KIAA1217: variants seen among roughly 807,000 people sequenced by gnomAD.
The protein encoded by KIAA1217 is sickle tail protein homolog.
KIAA1217 carries 88 observed loss-of-function variants against 163.9 expected under a neutral mutation model. The observed-to-expected ratio is 0.54, with a 90% CI of 0.45 to 0.64. The LOEUF is 0.64. Ranked by LOEUF, KIAA1217 falls within the 30% of genes least tolerant of loss-of-function variation. The pLI is 0.00. For synonymous variants in KIAA1217, 903 were observed against 923.1 expected (o/e 0.98, Z 0.39); for missense variants, 2,372 against 2,475.0 (o/e 0.96, Z 0.88).
At chr10:23,982,628 G>C (rs532933038) in intron 1 of KIAA1217, among the ~76,000 whole-genome samples, 1 of 144,326 alleles carries the variant, frequency 6.9e-6, no homozygotes, top group South Asian at 2.3e-4. Context: ...CAATGGCGTG[G>C]TCTCGGCTCA....
intron 1 of KIAA1217, among the ~76,000 whole-genome samples, chr10:23,933,214 C>A (rs943502836): frequency 1.3e-5 from 2 of 152,196 alleles, no homozygotes; most frequent in Non-Finnish European, 2.9e-5. Flanking sequence ...TAATCACATT[C>A]TGCAGGGAGA....
At chr10:23,894,709 C>G (rs1358343086) in intron 1 of KIAA1217, among the ~76,000 whole-genome samples, 1 of 147,030 alleles carries the variant, frequency 6.8e-6, no homozygotes, top group South Asian at 2.2e-4. Flanking sequence ...AAGAACAAAG[C>G]TGGAGGCATC....
chr10:23,829,054 G>C (rs1260272814), intron 1 of KIAA1217, among the ~76,000 whole-genome samples: 1 of 152,126 alleles, frequency 6.6e-6, no homozygotes, highest in Non-Finnish European at 1.5e-5. Context: ...CTTTTCCTAA[G>C]CACTTTTGCT....
intron 1 of KIAA1217, among the ~76,000 whole-genome samples, chr10:23,955,035 A>C (rs1844498761): frequency 6.6e-6 from 1 of 152,210 alleles, no homozygotes; most frequent in Non-Finnish European, 1.5e-5. Context: ...GGGCAATAAT[A>C]ACAAGTTATG....
intron 5 of KIAA1217, among the ~76,000 whole-genome samples, chr10:24,471,750 G>A (rs1250949030): frequency 1.3e-5 from 2 of 152,060 alleles, no homozygotes; most frequent in Non-Finnish European, 2.9e-5. Context: ...GGGTGTGGTG[G>A]CACATGCCTG....
At chr10:24,402,608 A>C (rs1211840809) in intron 3 of KIAA1217, among the ~76,000 whole-genome samples, 1 of 151,872 alleles carries the variant, frequency 6.6e-6, no homozygotes, top group East Asian at 1.9e-4. Context: ...GAATTATTCC[A>C]CCAGATTTTT....
intron 6 of KIAA1217, among the ~76,000 whole-genome samples, chr10:24,484,239 ATATT>A (rs1393497168): frequency 3.5e-4 from 30 of 86,186 alleles, no homozygotes; most frequent in African/African-American, 1.4e-3. Context: ...ATATATATAT[ATATT>A]TTTTTTTTTT....
intron 1 of KIAA1217, among the ~76,000 whole-genome samples, chr10:23,762,741 C>T (rs1834322804): frequency 6.6e-6 from 1 of 152,124 alleles, no homozygotes; most frequent in Non-Finnish European, 1.5e-5. Context: ...CACTCCTATT[C>T]AACATACTAT....
At chr10:24,342,609 C>A (rs2047225952) in intron 2 of KIAA1217, among the ~76,000 whole-genome samples, 1 of 151,194 alleles carries the variant, frequency 6.6e-6, no homozygotes, top group South Asian at 2.1e-4. Context: ...CTTAGTGATG[C>A]ATCTTCAAGG....
intron 1 of KIAA1217, among the ~76,000 whole-genome samples, chr10:23,985,593 T>A (rs1213279849): frequency 6.6e-6 from 1 of 152,164 alleles, no homozygotes; most frequent in Non-Finnish European, 1.5e-5. Flanking sequence ...CGCTGCATAG[T>A]AGAAGCACTA....
At chr10:23,901,192 G>A (rs977198920) in intron 1 of KIAA1217, among the ~76,000 whole-genome samples, 1 of 151,972 alleles carries the variant, frequency 6.6e-6, no homozygotes, top group Non-Finnish European at 1.5e-5. Flanking sequence ...TTATTATTTA[G>A]CTGGGGAAAT....
intron 1 of KIAA1217, among the ~76,000 whole-genome samples, chr10:23,703,234 A>G (rs540539138): frequency 6.6e-6 from 1 of 152,244 alleles, no homozygotes; most frequent in South Asian, 2.1e-4. Flanking sequence ...TAGAGCAGAG[A>G]GATGTCCCAG....
intron 1 of KIAA1217, among the ~76,000 whole-genome samples, chr10:23,806,863 A>G (rs10443983): frequency 0.21 from 31,416 of 152,214 alleles, 3,424 homozygotes; most frequent in Middle Eastern, 0.29. Flanking sequence ...TTTGGTTCCT[A>G]AGGTGCTTCC....
At chr10:23,915,572 G>A (rs910529503) in intron 1 of KIAA1217, among the ~76,000 whole-genome samples, 2 of 152,168 alleles carry the variant, frequency 1.3e-5, no homozygotes, top group African/African-American at 4.8e-5. Flanking sequence ...AATGTACCAA[G>A]ATACCATGTG....
At chr10:23,959,247 ATGCTG>A (rs1844712504) in intron 1 of KIAA1217, among the ~76,000 whole-genome samples, 1 of 152,104 alleles carries the variant, frequency 6.6e-6, no homozygotes, top group Non-Finnish European at 1.5e-5. Context: ...AATAAAAGAT[ATGCTG>A]GGCACAGTGG....
intron 1 of KIAA1217, among the ~76,000 whole-genome samples, chr10:24,210,014 G>A (rs1399147816): frequency 2.0e-5 from 3 of 152,120 alleles, no homozygotes; most frequent in Non-Finnish European, 4.4e-5. Flanking sequence ...TGCCTGTGAT[G>A]CCAAGAGCTG....
chr10:24,195,219 T>C (rs961704249), intron 2 of KIAA1217, among the ~76,000 whole-genome samples: 2 of 152,198 alleles, frequency 1.3e-5, no homozygotes, highest in African/African-American at 4.8e-5. Flanking sequence ...CCTGGAAGTA[T>C]GATCAAAACC....
chr10:24,219,276 G>T (rs2069254350), intron 1 of KIAA1217, among the ~76,000 whole-genome samples: 1 of 151,964 alleles, frequency 6.6e-6, no homozygotes, highest in Admixed American at 6.6e-5. Flanking sequence ...ACTACGCCTG[G>T]CTAATTTTAA....
chr10:24,435,255 A>C (rs2059929970), intron 4 of KIAA1217, among the ~76,000 whole-genome samples: 1 of 152,238 alleles, frequency 6.6e-6, no homozygotes. Flanking sequence ...TTAAATATTC[A>C]TGGGTACCCA....
Sources: gnomAD v4.1 joint callset for allele counts (sites outside exome capture counted in the v4.1 genomes callset) on GRCh38, gnomAD v4.1.1 for gene constraint, MANE v1.5 for transcripts, NCBI Gene and HGNC (gene_info 2026-07-23, HGNC 2026-07-21) for gene names.